Variants in TYW1B observed in about 807,000 individuals in gnomAD.
TYW1B encodes the protein tRNA-yW synthesizing protein 1 homolog B.
TYW1B carries 73 observed loss-of-function variants against 86.9 expected under a neutral mutation model. The observed-to-expected ratio is 0.84, with a 90% CI of 0.70 to 1.02. TYW1B has a LOEUF of 1.02. Ranked by LOEUF, TYW1B falls within the 50% of genes least tolerant of loss-of-function variation. The pLI is 0.00. For missense variants in TYW1B, 637 were observed against 827.4 expected (o/e 0.77, Z 2.82); for synonymous variants, 248 against 292.8 (o/e 0.85, Z 1.56).
At chr7:72,794,820 CTT>C (rs782680796) in intron 6 of TYW1B, among the ~76,000 whole-genome samples, 67 of 138,950 alleles carry the variant, frequency 4.8e-4, no homozygotes, top group Non-Finnish European at 4.7e-4. Flanking sequence ...CCCCACTTTT[CTT>C]TTTTTTTTTT....
chr7:72,576,848 C>T (rs573544187), intron 13 of TYW1B, among the ~76,000 whole-genome samples: 11 of 151,874 alleles, frequency 7.2e-5, no homozygotes, highest in African/African-American at 2.2e-4. Context: ...GACTAATGGC[C>T]GGGCATGGTG....
chr7:72,632,497 C>CA (rs1447885682), intron 11 of TYW1B, among the ~76,000 whole-genome samples: 1 of 106,178 alleles, frequency 9.4e-6, no homozygotes, highest in Admixed American at 1.1e-4. Flanking sequence ...CACATATATA[C>CA]ATATATATTA....
At chr7:72,677,574 A>T (rs1378573484) in intron 11 of TYW1B, among the ~76,000 whole-genome samples, 1 of 152,214 alleles carries the variant, frequency 6.6e-6, no homozygotes, top group Non-Finnish European at 1.5e-5. Context: ...GGCGGAATGA[A>T]AAATGGCTAC....
chr7:72,820,975 T>C (rs1281266672), intron 2 of TYW1B, among the ~76,000 whole-genome samples: 1 of 152,162 alleles, frequency 6.6e-6, no homozygotes, highest in Non-Finnish European at 1.5e-5. Context: ...CTTAGATTTT[T>C]TTTGTTGTTG....
chr7:72,609,638 T>C (rs1811888125), intron 13 of TYW1B, among the ~76,000 whole-genome samples: 2 of 152,136 alleles, frequency 1.3e-5, no homozygotes, highest in Admixed American at 6.5e-5. Flanking sequence ...TTTGATGATT[T>C]GGACCTCTCT....
At chr7:72,827,973 A>C (rs1305191874) in intron 1 of TYW1B, 99 bp downstream of exon 1, 3 of 1,582,622 alleles carry the variant, frequency 1.9e-6, no homozygotes, top group Non-Finnish European at 2.6e-6. Flanking sequence ...CAGTCTCCGA[A>C]GGAAGGGGAC....
At chr7:72,692,077 G>A (rs1239095191) in intron 11 of TYW1B, among the ~76,000 whole-genome samples, 2 of 151,436 alleles carry the variant, frequency 1.3e-5, no homozygotes, top group Admixed American at 1.3e-4. Flanking sequence ...ATGGTGGTAC[G>A]CACCTGTAAT....
At chr7:72,721,544 C>T (rs558375982) in intron 9 of TYW1B, among the ~76,000 whole-genome samples, 2 of 152,148 alleles carry the variant, frequency 1.3e-5, no homozygotes, top group Admixed American at 1.3e-4. Context: ...AAGAAAGAGT[C>T]CACATGAGAC....
intron 11 of TYW1B, among the ~76,000 whole-genome samples, chr7:72,632,180 A>G (rs1248650951): frequency 6.8e-6 from 1 of 147,914 alleles, no homozygotes. Flanking sequence ...GATTGCTTGA[A>G]CTTGGGAGGT....
At chr7:72,595,872 T>G (rs1266594879) in intron 13 of TYW1B, among the ~76,000 whole-genome samples, 4 of 151,976 alleles carry the variant, frequency 2.6e-5, no homozygotes, top group African/African-American at 9.7e-5. Context: ...ATTGAAAGAC[T>G]TAATATTAAG....
At chr7:72,802,193 C>CAA (rs1429483341) in intron 6 of TYW1B, among the ~76,000 whole-genome samples, 6 of 152,094 alleles carry the variant, frequency 3.9e-5, no homozygotes, top group Non-Finnish European at 7.3e-5. Context: ...TCCTGCTTAT[C>CAA]CTCTGATGAG....
chr7:72,680,532 C>T (rs1363270641), intron 11 of TYW1B, among the ~76,000 whole-genome samples: 1 of 152,150 alleles, frequency 6.6e-6, no homozygotes, highest in Admixed American at 6.6e-5. Context: ...GCAATGTCAG[C>T]TTCCCTACTT....
At chr7:72,813,099 A>G (rs1586004350) in intron 3 of TYW1B, among the ~76,000 whole-genome samples, 1 of 151,764 alleles carries the variant, frequency 6.6e-6, no homozygotes, top group African/African-American at 2.4e-5. Context: ...GTAGCTGCCC[A>G]GCCCACAAAG....
chr7:72,696,631 G>A (rs1449973810), intron 10 of TYW1B, among the ~76,000 whole-genome samples: 1 of 152,074 alleles, frequency 6.6e-6, no homozygotes, highest in Non-Finnish European at 1.5e-5. Flanking sequence ...AGATATTAAA[G>A]CTACTTTTTA....
At chr7:72,681,266 G>A (rs1192244837) in intron 11 of TYW1B, among the ~76,000 whole-genome samples, 3 of 152,202 alleles carry the variant, frequency 2.0e-5, no homozygotes, top group African/African-American at 7.2e-5. Context: ...TACTTATGTG[G>A]CAATCATGTG....
chr7:72,692,758 T>C (rs1219105237), intron 11 of TYW1B, among the ~76,000 whole-genome samples: 1 of 152,200 alleles, frequency 6.6e-6, no homozygotes, highest in Non-Finnish European at 1.5e-5. Flanking sequence ...ACAGAATTTC[T>C]ACAAGTCAAA....
At chr7:72,580,563 C>A (rs1321704233) in intron 13 of TYW1B, among the ~76,000 whole-genome samples, 14 of 152,146 alleles carry the variant, frequency 9.2e-5, no homozygotes, top group African/African-American at 2.9e-4. Flanking sequence ...GCCTTGCTGG[C>A]TAGATGAGGC....
intron 6 of TYW1B, among the ~76,000 whole-genome samples, chr7:72,791,574 G>A (rs567606680): frequency 2.6e-5 from 4 of 152,024 alleles, no homozygotes; most frequent in East Asian, 2.0e-4. Context: ...TCAGGAAATC[G>A]GGACCATCCT....
At chr7:72,668,211 T>G (rs1242097403) in intron 11 of TYW1B, among the ~76,000 whole-genome samples, 1 of 152,242 alleles carries the variant, frequency 6.6e-6, no homozygotes, top group African/African-American at 2.4e-5. Context: ...TTGTTTTCAG[T>G]GGAAACTGGA....
Sources: gnomAD v4.1 joint callset for allele counts (sites outside exome capture counted in the v4.1 genomes callset) on GRCh38, gnomAD v4.1.1 for gene constraint, MANE v1.5 for transcripts, NCBI Gene and HGNC (gene_info 2026-07-23, HGNC 2026-07-21) for gene names.